DOCK9: variants seen among roughly 807,000 people sequenced by gnomAD.
The protein encoded by DOCK9 is dedicator of cytokinesis 9.
A neutral mutation model predicts 263.3 loss-of-function variants in DOCK9; 89 were observed. The ratio of observed to expected loss-of-function variants is 0.34; its 90% CI spans 0.28 to 0.40. The LOEUF (loss-of-function observed/expected upper bound fraction) is 0.40. Among genes scored for constraint, DOCK9 ranks in the 10% least tolerant of loss-of-function variants. The pLI, the probability that DOCK9 is intolerant of heterozygous loss-of-function variation, is 1.00. For missense variants in DOCK9, 2,140 were observed against 2,603.4 expected (o/e 0.82, Z 3.87); for synonymous variants, 976 against 973.1 (o/e 1.00, Z -0.06).
intron 1 of DOCK9, among the ~76,000 whole-genome samples, chr13:99,020,418 C>T (rs1481631227): frequency 1.3e-5 from 2 of 152,096 alleles, no homozygotes; most frequent in African/African-American, 2.4e-5. Flanking sequence ...GGGCTCCAGG[C>T]TGCACAACCC....
chr13:99,070,585 T>C (rs1321655302), intron 1 of DOCK9, among the ~76,000 whole-genome samples: 2 of 152,244 alleles, frequency 1.3e-5, no homozygotes. Flanking sequence ...GTATTTACTG[T>C]GTGCCAGGCC....
At chr13:98,918,330 C>A (rs2051243435) in intron 7 of DOCK9, among the ~76,000 whole-genome samples, 1 of 152,098 alleles carries the variant, frequency 6.6e-6, no homozygotes, top group African/African-American at 2.4e-5. Flanking sequence ...AGGGCAGAGT[C>A]TCCAGAATGA....
At chr13:99,066,777 A>C (rs1203632604) in intron 1 of DOCK9, among the ~76,000 whole-genome samples, 1 of 152,198 alleles carries the variant, frequency 6.6e-6, no homozygotes, top group Non-Finnish European at 1.5e-5. Flanking sequence ...CTACATTACC[A>C]TAAAACTAAA....
At chr13:99,087,053 C>G (rs996622198), upstream of DOCK9, among the ~76,000 whole-genome samples, 2 of 152,070 alleles carry the variant, frequency 1.3e-5, no homozygotes, top group South Asian at 2.1e-4. Context: ...CACGCCCCCC[C>G]TCTGCGCCCG....
At chr13:98,794,978 G>C (rs2089183571) in intron 52 of DOCK9, among the ~76,000 whole-genome samples, 1 of 152,234 alleles carries the variant, frequency 6.6e-6, no homozygotes, top group Non-Finnish European at 1.5e-5. Context: ...CATCACGTGA[G>C]TGATGTGCAG....
chr13:98,797,981 C>T (rs2139834360), intron 50 of DOCK9, among the ~76,000 whole-genome samples: 1 of 152,182 alleles, frequency 6.6e-6, no homozygotes, highest in East Asian at 1.9e-4. Flanking sequence ...GTATAGACAG[C>T]CATGGGCAAA....
rs1566412571 is a variant in DOCK9, at chr13:99,086,459, G to C, written c.-108C>G. 4.1e-6 allele frequency: 3 copies of C among 739,144 alleles called. No homozygotes were observed. In the African/African-American group the frequency reaches 5.8e-5, roughly 14 times the overall value. The allele number at this position is 739,144 out of a possible 1,614,324, so 45.8% of individuals were successfully genotyped here. A position where few individuals can be genotyped will look rare whatever the true frequency, so the allele number is the denominator to read the frequency against. On this transcript the variant is annotated 5_prime_UTR_variant, in exon 1 of 33. Coordinates refer to the DOCK9 transcript ENST00000427887. ...CGGCCCGCTCCGCCCGCCGCTCCCG[G>C]CGCCGCCGCCGCCTGCTCCCCCCGC...
At chr13:98,822,675 A>G (rs1024625559) in intron 45 of DOCK9, among the ~76,000 whole-genome samples, 1 of 151,966 alleles carries the variant, frequency 6.6e-6, no homozygotes, top group Non-Finnish European at 1.5e-5. Flanking sequence ...AGTAAAACAA[A>G]CAAACAAACA....
At chr13:98,923,099 T>C (rs1000929763) in intron 5 of DOCK9, among the ~76,000 whole-genome samples, 3 of 152,158 alleles carry the variant, frequency 2.0e-5, no homozygotes, top group African/African-American at 7.2e-5. Context: ...CAAGAGAACA[T>C]GAAATGCTAA....
chr13:98,831,267 G>C, intron 41 of DOCK9, 81 bp downstream of exon 41: 4 of 1,417,352 alleles, frequency 2.8e-6, no homozygotes, highest in Non-Finnish European at 3.8e-6. Flanking sequence ...AGGTAAATTG[G>C]TTAATGTGAT....
At chr13:99,060,256 T>G (rs2041127425) in intron 1 of DOCK9, among the ~76,000 whole-genome samples, 1 of 151,826 alleles carries the variant, frequency 6.6e-6, no homozygotes, top group African/African-American at 2.4e-5. Flanking sequence ...TTTGTATTTT[T>G]TTAGTAGAGA....
chr13:98,991,961 G>C (rs1344567112), intron 1 of DOCK9, among the ~76,000 whole-genome samples: 1 of 152,134 alleles, frequency 6.6e-6, no homozygotes, highest in East Asian at 1.9e-4. Flanking sequence ...AGGAGCCTGA[G>C]GCCCTGGCTA....
intron 37 of DOCK9, chr13:98,846,869 C>CT (rs1366716304): frequency 1.2e-5 from 4 of 329,682 alleles, no homozygotes; most frequent in African/African-American, 8.7e-5. Context: ...AGTTCAGGAT[C>CT]TTTTTCACAT....
chr13:98,911,407 T>C (rs2050002310), intron 9 of DOCK9, among the ~76,000 whole-genome samples: 1 of 152,166 alleles, frequency 6.6e-6, no homozygotes, highest in South Asian at 2.1e-4. Context: ...GATATCAAAG[T>C]ATCACATGAA....
chr13:98,931,782 C>T (rs1567005175), intron 2 of DOCK9, among the ~76,000 whole-genome samples: 2 of 151,696 alleles, frequency 1.3e-5, no homozygotes, highest in Non-Finnish European at 2.9e-5. Flanking sequence ...ATTTTTAGTA[C>T]AGATGGGGTT....
rs147290090 is a variant in DOCK9 at position 98,886,918 on chromosome 13, A to G, written c.2044-294T>C. On this transcript the variant is annotated intron_variant, in intron 18 of 52. Coordinates refer to ENST00000682017, the MANE Select transcript of DOCK9 (RefSeq NM_001366683.2). Reference sequence around the variant, plus strand: ...TTTCTTATGCAATTCTTCTGTCCAAATAACCTTCGCTTCTGCATGCATCAA... The same window carrying G: ...TTTCTTATGCAATTCTTCTGTCCAAGTAACCTTCGCTTCTGCATGCATCAA... Among the ~76,000 whole-genome samples the G allele has an allele frequency of 6.1e-3, 925 of 151,982 alleles. 8 individuals are homozygous for G. In the Middle Eastern group the frequency reaches 0.068, roughly 11 times the overall value.
At chr13:99,015,308 TA>T (rs775200912) in intron 1 of DOCK9, 42 of 644,716 alleles carry the variant, frequency 6.5e-5, no homozygotes, top group Middle Eastern at 9.2e-4. Context: ...AATTTAAACT[TA>T]AGGCCACTAA....
chr13:98,863,271 A>T (rs760331972), intron 31 of DOCK9, 99 bp downstream of exon 31: 993 of 1,509,492 alleles, frequency 6.6e-4, no homozygotes, highest in Non-Finnish European at 8.6e-4. Context: ...GCAAAATCTT[A>T]GTGCTGTTAC....
chr13:99,036,835 G>A (rs1887936129), intron 1 of DOCK9, among the ~76,000 whole-genome samples: 1 of 152,202 alleles, frequency 6.6e-6, no homozygotes, highest in African/African-American at 2.4e-5. Context: ...ACTGTGCCCG[G>A]CCAATGGGAT....
Sources: allele counts gnomAD v4.1 joint callset (sites outside exome capture counted in the v4.1 genomes callset), GRCh38; gene constraint gnomAD v4.1.1; transcripts MANE v1.5; gene names NCBI Gene and HGNC (gene_info 2026-07-23, HGNC 2026-07-21).